The following SLC1A6 variants were observed in gnomAD, a reference collection of about 807,000 sequenced individuals.
The protein encoded by SLC1A6 is solute carrier family 1 member 6.
In SLC1A6, 15 loss-of-function variants were observed where a neutral mutation model predicts 42.1. The observed-to-expected ratio is 0.36, with a 90% CI of 0.24 to 0.55. The LOEUF (loss-of-function observed/expected upper bound fraction) is 0.55. Ranked by LOEUF, SLC1A6 falls within the 20% of genes least tolerant of loss-of-function variation. SLC1A6 has a pLI of 0.88. For missense variants in SLC1A6, 542 were observed against 772.5 expected, an observed-to-expected ratio of 0.70 and a Z score of 3.54; for synonymous variants, 317 against 319.7, an observed-to-expected ratio of 0.99 and a Z score of 0.09.
chr19:15,009,928 C>T (rs1600047008), intron 1 of SLC1A6, among the ~76,000 whole-genome samples: 2 of 152,010 alleles, frequency 1.3e-5, no homozygotes, highest in East Asian at 3.9e-4. Context: ...GCCTGTAATG[C>T]CAGCACTTTG....
upstream of SLC1A6, among the ~76,000 whole-genome samples, chr19:14,984,027 G>T (rs2045780968): frequency 6.6e-6 from 1 of 152,046 alleles, no homozygotes; most frequent in Non-Finnish European, 1.5e-5. Flanking sequence ...CAACTTTATA[G>T]GGCTGGGTGC....
rs955811049 is a variant in SLC1A6 at position 14,979,609 on chromosome 19, C to G, written c.-308G>C. The G allele has an allele frequency of 3.4e-4, 52 of 151,294 alleles. No homozygotes were observed. Among genetic ancestry groups the G allele is most frequent in the Admixed American group, 3.0e-3 (46 of 15,204 alleles). The allele number at this position is 151,294 out of a possible 1,614,324, so 9.4% of individuals were successfully genotyped here. A position where few individuals can be genotyped will look rare whatever the true frequency, so the allele number is the denominator to read the frequency against. ...AGCCCGGCGAAGCGCCCGGCCGGGG[C>G]CGCGGGGACCCGCCAGGGACTGTGC... On this transcript the variant is annotated 5_prime_UTR_variant, in exon 1 of 10. Transcript: ENST00000594383. This position sits in a 1 kb window ranked among gnomAD's most constrained non-coding sequence, Gnocchi z 4.2.
At position 14,972,720 on chromosome 19, in the gene SLC1A6, C is replaced by T. The variant is rs2045655943; in HGVS notation, c.191G>A (p.Ser64Asn). 1 of 1,613,832 alleles carries T rather than the reference C, an allele frequency of 6.2e-7. No individual in the cohort carries two copies. Among genetic ancestry groups the T allele is most frequent in the Non-Finnish European group, 8.5e-7 (1 of 1,180,006 alleles). ...GCAGAGCTCACCAATGACCACGGCG[C>T]TGACCGTCAGCAGAATGAAGGCGTT... is the stretch of plus-strand genomic sequence containing the variant. ...RRNAFILLTVSAVVIGVSLAF... is the reference protein window; with the variant it reads ...RRNAFILLTVNAVVIGVSLAF... Residue 64 changes from serine to asparagine, a missense_variant, in exon 2 of 10, where the codon AGC (serine) becomes AAC (asparagine). By Grantham distance (46) the Ser-to-Asn change is conservative. Around this residue, in one of 6 missense-constraint regions of SLC1A6, gnomAD observed 25 missense variants for 32.3 expected, o/e 0.77. Coordinates refer to ENST00000594383, the MANE Select transcript of SLC1A6 (RefSeq NM_005071.3).
intron 4 of SLC1A6, among the ~76,000 whole-genome samples, chr19:14,966,252 G>T (rs965087085): frequency 2.6e-5 from 4 of 152,188 alleles, no homozygotes; most frequent in Non-Finnish European, 4.4e-5. Flanking sequence ...AGCAGTTTAA[G>T]AGGCTGAGGC....
chr19:15,006,357 C>G (rs950809767), intron 1 of SLC1A6, among the ~76,000 whole-genome samples: 1 of 152,140 alleles, frequency 6.6e-6, no homozygotes, highest in Non-Finnish European at 1.5e-5. Context: ...CCTCCTGATG[C>G]TCATGAAAAT....
At chr19:14,952,429 G>A (rs927457145) in intron 9 of SLC1A6, among the ~76,000 whole-genome samples, 3 of 151,266 alleles carry the variant, frequency 2.0e-5, no homozygotes, top group Admixed American at 6.6e-5. Context: ...GGTGGCGGGC[G>A]CCTGTAATCC....
Position 14,962,452 on chromosome 19 carries a change from T to C in SLC1A6, c.592-107A>G, listed in dbSNP as rs142795867. On this transcript the variant is annotated intron_variant, in intron 5 of 9. Transcript: ENST00000594383. ...TTCCCAGTTCCCACACCCTGGAAGA[T>C]CGATAAGATCTTCATTATCGATTAT... 5.8e-4 allele frequency: 427 copies of C among 736,996 alleles called. 6 individuals carry two copies. The East Asian group carries it at 9.8e-3, about 17-fold the overall frequency. 45.7% of individuals were successfully genotyped at this position (736,996 alleles called of 1,614,324 possible). A position where few individuals can be genotyped will look rare whatever the true frequency, so the allele number is the denominator to read the frequency against.
chr19:14,994,004 T>C (rs2045833375), intron 1 of SLC1A6, among the ~76,000 whole-genome samples: 1 of 152,140 alleles, frequency 6.6e-6, no homozygotes, highest in African/African-American at 2.4e-5. Flanking sequence ...CTTTTGCAGT[T>C]GACCCCATTT....
intron 1 of SLC1A6, among the ~76,000 whole-genome samples, chr19:15,004,471 G>T (rs1323265255): frequency 2.7e-5 from 4 of 148,764 alleles, no homozygotes; most frequent in Non-Finnish European, 5.9e-5. Context: ...AGAGGGTGAG[G>T]CAGGAGGATG....
chr19:14,985,285 T>G (rs1029408061), intron 1 of SLC1A6, among the ~76,000 whole-genome samples: 3 of 152,234 alleles, frequency 2.0e-5, no homozygotes, highest in African/African-American at 4.8e-5. Context: ...GGTTTGGATG[T>G]TCTGTCCCCT....
intron 6 of SLC1A6, among the ~76,000 whole-genome samples, chr19:14,959,279 T>C (rs1315426407): frequency 6.6e-6 from 1 of 152,226 alleles, no homozygotes; most frequent in Non-Finnish European, 1.5e-5. Flanking sequence ...TTTACCTATT[T>C]AGAAAAGTTT....
intron 1 of SLC1A6, among the ~76,000 whole-genome samples, chr19:14,976,215 A>G (rs1030074683): frequency 6.6e-6 from 1 of 152,222 alleles, no homozygotes; most frequent in Admixed American, 6.5e-5. Flanking sequence ...TCAAAAGGAT[A>G]TCTGCACTGG....
intron 1 of SLC1A6, chr19:14,975,364 T>C (rs1035036443): frequency 6.6e-6 from 1 of 152,248 alleles, no homozygotes; most frequent in Non-Finnish European, 1.5e-5. Flanking sequence ...TACCCTGATT[T>C]GATCTTTACG....
chr19:14,971,968 G>C (rs2045645418), intron 2 of SLC1A6, 94 bp from the exon 3 acceptor site: 3 of 1,188,528 alleles, frequency 2.5e-6, no homozygotes. Context: ...GCAAGGGTGG[G>C]AGTGAGGGAG....
At chr19:14,984,473 CACAG>C (rs1446106012), upstream of SLC1A6, among the ~76,000 whole-genome samples, 1 of 152,134 alleles carries the variant, frequency 6.6e-6, no homozygotes, top group Non-Finnish European at 1.5e-5. Context: ...TTCAGTCTTA[CACAG>C]ACAGGCAGTT....
chr19:14,989,753 G>A (rs1195400407), intron 1 of SLC1A6, among the ~76,000 whole-genome samples: 2 of 72,612 alleles, frequency 2.8e-5, no homozygotes, highest in Admixed American at 1.5e-4. Context: ...GTGGGGTGGC[G>A]GGGGGTGGGG....
At chr19:14,953,964 T>A (rs1463921520) in intron 8 of SLC1A6, among the ~76,000 whole-genome samples, 171 bp downstream of exon 8, 1 of 152,170 alleles carries the variant, frequency 6.6e-6, no homozygotes, top group Admixed American at 6.5e-5. Flanking sequence ...GTGGCAACTT[T>A]ACCTTTCACC....
intron 1 of SLC1A6, among the ~76,000 whole-genome samples, chr19:14,997,261 A>G (rs1438790885): frequency 2.0e-5 from 3 of 152,026 alleles, no homozygotes; most frequent in African/African-American, 4.8e-5. Context: ...CCTCCTCCCT[A>G]CTTTGAGTTG....
At chr19:15,002,310 T>G (rs536544229) in intron 1 of SLC1A6, among the ~76,000 whole-genome samples, 101 of 152,182 alleles carry the variant, frequency 6.6e-4, no homozygotes, top group African/African-American at 2.4e-3. Context: ...GTTTTGTTTT[T>G]TGTTTTTAAG....
Sources: gnomAD v4.1 joint callset for allele counts (sites outside exome capture counted in the v4.1 genomes callset) on GRCh38, gnomAD v4.1.1 for gene constraint, gnomAD v4.1.1 regional missense constraint, Gnocchi (gnomAD v3.1) non-coding constraint, MANE v1.5 for transcripts, NCBI Gene and HGNC (gene_info 2026-07-23, HGNC 2026-07-21) for gene names.